Variants in ATF7IP observed in about 807,000 individuals in gnomAD.
The protein encoded by ATF7IP is activating transcription factor 7-interacting protein 1.
ATF7IP carries 23 observed loss-of-function variants against 106.4 expected under a neutral mutation model. The observed-to-expected ratio is 0.22, with a 90% confidence interval of 0.16 to 0.31. The LOEUF (loss-of-function observed/expected upper bound fraction) is 0.31, where lower values mean the gene tolerates loss of function less well. ATF7IP is among the 10% of genes least tolerant of loss of function. The probability of loss-of-function intolerance (pLI) is 1.00; values close to 1 mark genes in which losing one functional copy is unlikely to be tolerated. For missense variants in ATF7IP, 1,334 were observed against 1,524.3 expected, an observed-to-expected ratio of 0.88 and a Z score of 2.08; for synonymous variants, 542 against 539.0, an observed-to-expected ratio of 1.01 and a Z score of -0.08.
At chr12:14,494,311 ATATATATATATATATATATATATG>A (rs1481633719) in intron 13 of ATF7IP, among the ~76,000 whole-genome samples, 22 of 95,510 alleles carry the variant, frequency 2.3e-4, no homozygotes, top group Non-Finnish European at 4.1e-4. Context: ...ATATATATAT[ATATATATATATATATATATATATG>A]TGTGTGTGTA....
intron 9 of ATF7IP, among the ~76,000 whole-genome samples, chr12:14,463,491 G>A (rs949129753): frequency 6.6e-6 from 1 of 152,092 alleles, no homozygotes; most frequent in African/African-American, 2.4e-5. Context: ...AATCAAATAG[G>A]GAATGTGGTA....
At chr12:14,477,282 G>A (rs573400955) in intron 11 of ATF7IP, among the ~76,000 whole-genome samples, 35 of 152,072 alleles carry the variant, frequency 2.3e-4, no homozygotes, top group Non-Finnish European at 4.7e-4. Flanking sequence ...CAGTAAAGTC[G>A]GTTTTGTTAT....
At position 14,390,979 on chromosome 12, in the gene ATF7IP, G is replaced by A. The variant is rs377153964; in HGVS notation, c.-8+25152G>A. Among the ~76,000 whole-genome samples the A allele has an allele frequency of 1.7e-4, 26 of 152,330 alleles. No individual in the cohort carries two copies. In the East Asian group the frequency reaches 3.7e-3, roughly 21 times the overall value. ...TGCCTTTTTGGAAAATGGTTTTCTAGTTAGAGTTCAACTTTAGAGAAAATT... is the reference window on the plus strand; with the variant it reads ...TGCCTTTTTGGAAAATGGTTTTCTAATTAGAGTTCAACTTTAGAGAAAATT... On this transcript the variant is annotated intron_variant, in intron 1 of 14. Transcript: ENST00000261168.
chr12:14,489,765 A>C (rs1289683373), intron 13 of ATF7IP, among the ~76,000 whole-genome samples: 1 of 152,180 alleles, frequency 6.6e-6, no homozygotes, highest in Non-Finnish European at 1.5e-5. Context: ...TTCCATGAGC[A>C]TGAGCCCACT....
At chr12:14,373,048 G>A (rs571687983) in intron 1 of ATF7IP, among the ~76,000 whole-genome samples, 2 of 152,284 alleles carry the variant, frequency 1.3e-5, no homozygotes, top group Non-Finnish European at 2.9e-5. Context: ...AGGAGAAAGA[G>A]TTTGATGGAA....
Position 14,496,269 on chromosome 12 carries a change from G to A in ATF7IP, c.3319G>A (p.Val1107Ile), listed in dbSNP as rs754589329. ...AGTGCCTCAAACAACCACATATGTT[G>A]TAAACAATGGACTAACCCTGGGATC... The part of the protein sequence containing the change: ...VRVPQTTTYV[V>I]NNGLTLGSTG... The change falls in exon 14 of 15, where the codon GTA becomes ATA. Residue 1107 changes from valine (V) to isoleucine (I), a missense_variant. Val to Ile is a conservative substitution (Grantham distance 29, BLOSUM62 3). This residue lies in a region of ATF7IP where 370 missense variants were observed against 401.2 expected (regional missense o/e 0.92). Coordinates refer to ENST00000261168, the MANE Select transcript of ATF7IP (RefSeq NM_018179.5). 1.9e-6 allele frequency: 3 copies of A among 1,613,834 alleles called. No individual in the cohort carries two copies. The highest frequency in any genetic ancestry group is 2.5e-6 in the Non-Finnish European group (3 of 1,179,870).
In ATF7IP at chr12:14,448,358, TC is replaced by T. The variant is rs551659493; in HGVS notation, c.1995+1306del. Among the ~76,000 whole-genome samples the T allele has an allele frequency of 4.9e-3, 744 of 152,316 alleles. 4 individuals are homozygous for T. Among genetic ancestry groups the T allele is most frequent in the South Asian group, 0.025 (122 of 4,830 alleles). On this transcript the variant is annotated intron_variant, in intron 6 of 14. Transcript: ENST00000261168. ...AAAGTAGTTTACAGACTTAACAGTT[TC>T]TACCAGTTTTTACATGTGTATTTAA...
At chr12:14,473,440 C>T (rs1182526384) in intron 10 of ATF7IP, among the ~76,000 whole-genome samples, 5 of 151,874 alleles carry the variant, frequency 3.3e-5, no homozygotes, top group South Asian at 2.1e-4. Context: ...TTAAATATGA[C>T]GTTCATGTTT....
intron 10 of ATF7IP, among the ~76,000 whole-genome samples, chr12:14,475,591 C>T (rs59191635): frequency 0.019 from 2,922 of 152,240 alleles, 96 homozygotes; most frequent in African/African-American, 0.067. Flanking sequence ...TTTTAAATGT[C>T]ACAAAATGAA....
In ATF7IP at chr12:14,424,710, C is replaced by T. The variant is rs1282968386; in HGVS notation, c.795C>T (p.Ala265=). The T allele has an allele frequency of 3.1e-6, 5 of 1,613,980 alleles. No homozygotes were observed. The African/African-American group carries it at 5.3e-5, about 17-fold the overall frequency. Residue 265 remains alanine, a synonymous_variant, in exon 2 of 15, where the codon GCC becomes GCT. Coordinates refer to ENST00000261168, the MANE Select transcript of ATF7IP (RefSeq NM_018179.5). The part of the protein sequence containing the change: ...ASGDLSSSEL[A]SDDLATGELA... ...GTGATCTATCCTCTAGTGAACTGGCCTCTGATGATCTGGCCACTGGTGAAC... is the reference window on the plus strand; with the variant it reads ...GTGATCTATCCTCTAGTGAACTGGCTTCTGATGATCTGGCCACTGGTGAAC...
intron 5 of ATF7IP, among the ~76,000 whole-genome samples, chr12:14,445,394 T>C (rs963876681): frequency 7.6e-6 from 1 of 130,754 alleles, no homozygotes; most frequent in Non-Finnish European, 1.7e-5. Flanking sequence ...TCTTTCTTTC[T>C]TTTTTTTTTG....
intron 2 of ATF7IP, among the ~76,000 whole-genome samples, chr12:14,426,529 C>CTTT (rs200611526): frequency 2.3e-5 from 3 of 131,764 alleles, no homozygotes; most frequent in East Asian, 4.3e-4. Context: ...TAAAAAATGG[C>CTTT]TTTTTTTTTT....
In ATF7IP at chr12:14,388,351, AT is replaced by A. The variant is rs1158556182; in HGVS notation, c.-8+22536del. 3.7e-4 allele frequency among the ~76,000 whole-genome samples: 49 copies of A among 131,142 alleles called. 1 individual carries two copies. The highest frequency in any genetic ancestry group is 3.7e-4 in the African/African-American group (13 of 35,202). 86.0% of individuals were successfully genotyped at this position (131,142 alleles called of 152,430 possible). ...AGGCGTGAGCCACTGTGCCCTGCTAATTTTTTTTTTTTCAAGACGGAGTCTC... is the reference window on the plus strand; with the variant it reads ...AGGCGTGAGCCACTGTGCCCTGCTAATTTTTTTTTTTCAAGACGGAGTCTC... On this transcript the variant is annotated intron_variant, in intron 1 of 14. Coordinates refer to ENST00000261168, the MANE Select transcript of ATF7IP (RefSeq NM_018179.5).
At chr12:14,452,441 T>G (rs964057072) in intron 6 of ATF7IP, among the ~76,000 whole-genome samples, 1 of 152,164 alleles carries the variant, frequency 6.6e-6, no homozygotes, top group Non-Finnish European at 1.5e-5. Context: ...GTTTCATTGC[T>G]TTTTGTTTTT....
intron 2 of ATF7IP, among the ~76,000 whole-genome samples, chr12:14,431,616 G>T (rs928972526): frequency 6.6e-6 from 1 of 151,890 alleles, no homozygotes; most frequent in Non-Finnish European, 1.5e-5. Flanking sequence ...GGATGGTCTC[G>T]ATCTCCTGAC....
chr12:14,398,410 GATA>G (rs2136455208), intron 1 of ATF7IP, among the ~76,000 whole-genome samples: 1 of 147,956 alleles, frequency 6.8e-6, no homozygotes, highest in Non-Finnish European at 1.5e-5. Context: ...TTTATAAGGA[GATA>G]ATTTTTCTGT....
chr12:14,452,183 A>G (rs1943230925), intron 6 of ATF7IP, among the ~76,000 whole-genome samples: 1 of 151,938 alleles, frequency 6.6e-6, no homozygotes, highest in African/African-American at 2.4e-5. Context: ...TCTTGTTACC[A>G]TTTGCATGGT....
Position 14,500,220 on chromosome 12 carries a change from A to G in ATF7IP, c.*2147A>G, listed in dbSNP as rs1945125801. 1 of 152,210 alleles carries G rather than the reference A, an allele frequency of 6.6e-6. No individual in the cohort carries two copies. The highest frequency in any genetic ancestry group is 2.4e-5 in the African/African-American group (1 of 41,440). 9.4% of individuals were successfully genotyped at this position (152,210 alleles called of 1,614,324 possible). A position where few individuals can be genotyped will look rare whatever the true frequency, so the allele number is the denominator to read the frequency against. On this transcript the variant is annotated 3_prime_UTR_variant, in exon 15 of 15. Coordinates refer to ENST00000261168, the MANE Select transcript of ATF7IP (RefSeq NM_018179.5). ...TTTGTTTGCAACTTTGATGGCTTAT[A>G]ATAGGAAGTATTCTAGTTGTAAAGA... is the stretch of plus-strand genomic sequence containing the variant.
At chr12:14,469,192 T>G (rs1243854085) in intron 10 of ATF7IP, among the ~76,000 whole-genome samples, 2 of 151,794 alleles carry the variant, frequency 1.3e-5, no homozygotes, top group African/African-American at 2.4e-5. Flanking sequence ...CCAACATGTC[T>G]CTACTAAAAA....
Sources: gnomAD v4.1 joint callset for allele counts (sites outside exome capture counted in the v4.1 genomes callset) on GRCh38, gnomAD v4.1.1 for gene constraint, gnomAD v4.1.1 regional missense constraint, MANE v1.5 for transcripts, NCBI Gene and HGNC (gene_info 2026-07-23, HGNC 2026-07-21) for gene names.